MMP28: variants seen among roughly 807,000 people sequenced by gnomAD.
MMP28 encodes the protein matrix metallopeptidase 28.
MMP28 carries 55 observed loss-of-function variants against 60.5 expected under a neutral mutation model. The ratio of observed to expected loss-of-function variants is 0.91; its 90% CI spans 0.73 to 1.14. The LOEUF is 1.14. MMP28 is among the 50% of genes most tolerant of loss of function. The pLI is 0.00. For missense variants in MMP28, 686 were observed against 738.3 expected, an observed-to-expected ratio of 0.93 and a Z score of 0.82; for synonymous variants, 318 against 312.5, an observed-to-expected ratio of 1.02 and a Z score of -0.18.
intron 1 of MMP28, among the ~76,000 whole-genome samples, chr17:35,781,295 G>A (rs1055446644): frequency 6.6e-6 from 1 of 152,218 alleles, no homozygotes; most frequent in African/African-American, 2.4e-5. Context: ...GCTATTTAAT[G>A]TATGAGGAAG....
chr17:35,793,950 T>G (rs1443139707), intron 1 of MMP28, among the ~76,000 whole-genome samples: 2 of 151,902 alleles, frequency 1.3e-5, no homozygotes, highest in Non-Finnish European at 2.9e-5. Flanking sequence ...ATACAAAAAT[T>G]AGCCTGGCAT....
At chr17:35,758,881 G>A (rs1386882032) in intron 2 of MMP28, among the ~76,000 whole-genome samples, 1 of 152,042 alleles carries the variant, frequency 6.6e-6, no homozygotes, top group African/African-American at 2.4e-5. Flanking sequence ...GGGTTGGGGA[G>A]GCAGGATGAG....
At chr17:35,779,908 A>C (rs1555608900) in intron 1 of MMP28, among the ~76,000 whole-genome samples, 2 of 152,202 alleles carry the variant, frequency 1.3e-5, no homozygotes, top group African/African-American at 4.8e-5. Context: ...ATTCATATGC[A>C]TCCTGAAACA....
intron 2 of MMP28, chr17:35,756,503 C>T: frequency 1.1e-6 from 1 of 871,426 alleles, no homozygotes; most frequent in Non-Finnish European, 1.4e-6. Flanking sequence ...CGGAGTCTCG[C>T]TCTGTCACCC....
chr17:35,770,401 G>GTGGC (rs1467397297), intron 4 of MMP28, 89 bp from the exon 5 acceptor site: 16 of 1,406,954 alleles, frequency 1.1e-5, no homozygotes, highest in Non-Finnish European at 1.5e-5. Flanking sequence ...TGGGGTGTGT[G>GTGGC]TGGCTGTTCT....
In MMP28 at chr17:35,786,699, C is replaced by CAAAAAA. The variant is rs200165337; in HGVS notation, c.112-7382_112-7377dup. 2.9e-3 allele frequency among the ~76,000 whole-genome samples: 205 copies of CAAAAAA among 71,060 alleles called. 16 individuals are homozygous for CAAAAAA. Among genetic ancestry groups the CAAAAAA allele is most frequent in the African/African-American group, 0.012 (196 of 15,762 alleles). The allele number at this position is 71,060 out of a possible 152,430, so 46.6% of individuals were successfully genotyped here. A position where few individuals can be genotyped will look rare whatever the true frequency, so the allele number is the denominator to read the frequency against. Reference sequence around the variant, plus strand: ...GCCTCATAGTGAGATCCTGTCTCTACAAAAAAAAAAAAAAAAGATGAATGA... The same window carrying CAAAAAA: ...GCCTCATAGTGAGATCCTGTCTCTACAAAAAAAAAAAAAAAAAAAAAAGATGAATGA... On this transcript the variant is annotated intron_variant, in intron 1 of 7. Transcript: ENST00000605424.
downstream of MMP28, chr17:35,764,439 C>G (rs1555602323): frequency 1.3e-6 from 2 of 1,547,560 alleles, no homozygotes; most frequent in East Asian, 5.0e-5. Flanking sequence ...GCGGAGCCTC[C>G]CGGAGGAGCC....
intron 2 of MMP28, among the ~76,000 whole-genome samples, chr17:35,760,179 A>G (rs782066409): frequency 1.4e-4 from 22 of 152,170 alleles, no homozygotes; most frequent in Non-Finnish European, 2.8e-4. Context: ...CAGCAACTTC[A>G]TCTCAACAGA....
In MMP28 at chr17:35,795,275, C is replaced by T. The variant is rs763434043; in HGVS notation, c.103G>A (p.Glu35Lys). ...AERGGQELRKEAEAFLEKYGY... is the reference protein window; with the variant it reads ...AERGGQELRKKAEAFLEKYGY... ...AGGTACACACGGCGTACCTCCGCCT[C>T]CTTGCGCAGCTCCTGGCCTCCGCGC... The change falls in exon 1 of 8, where the codon GAG becomes AAG. Residue 35 changes from glutamate (E) to lysine (K), a missense_variant. By Grantham distance (56) the Glu-to-Lys change is moderately conservative. Coordinates refer to ENST00000605424, the MANE Select transcript of MMP28 (RefSeq NM_024302.5). 1.2e-5 allele frequency: 17 copies of T among 1,444,502 alleles called. No individual in the cohort carries two copies. In the South Asian group the frequency reaches 2.4e-4, roughly 21 times the overall value. 89.5% of individuals were successfully genotyped at this position (1,444,502 alleles called of 1,614,324 possible). A position where few individuals can be genotyped will look rare whatever the true frequency, so the allele number is the denominator to read the frequency against.
intron 3 of MMP28, among the ~76,000 whole-genome samples, chr17:35,773,942 C>T (rs1555606859): frequency 6.6e-6 from 1 of 152,184 alleles, no homozygotes; most frequent in East Asian, 1.9e-4. Flanking sequence ...TCTGCCCTTT[C>T]CAGGGCCTGG....
intron 3 of MMP28, among the ~76,000 whole-genome samples, chr17:35,777,625 A>T (rs1555607935): frequency 1.3e-5 from 2 of 152,268 alleles, no homozygotes; most frequent in African/African-American, 4.8e-5. Context: ...GCAATGGCCC[A>T]AAGTGTTCAC....
At chr17:35,792,288 A>G (rs1363017425) in intron 1 of MMP28, among the ~76,000 whole-genome samples, 1 of 152,106 alleles carries the variant, frequency 6.6e-6, no homozygotes, top group Non-Finnish European at 1.5e-5. Context: ...AAAAGGATAT[A>G]GTTCCTCTCT....
chr17:35,760,494 G>A (rs587600863), intron 2 of MMP28, among the ~76,000 whole-genome samples: 155 of 152,308 alleles, frequency 1.0e-3, no homozygotes, highest in African/African-American at 3.4e-3. Context: ...GACAGGAAGA[G>A]GAAGACAGAA....
chr17:35,761,043 C>A, downstream of MMP28: 1 of 1,416,680 alleles, frequency 7.1e-7, no homozygotes, highest in Non-Finnish European at 9.5e-7. Flanking sequence ...TGAAGTCCAA[C>A]CTTTTCTCAG....
chr17:35,762,015 A>T (rs1598405857), downstream of MMP28, among the ~76,000 whole-genome samples: 1 of 151,460 alleles, frequency 6.6e-6, no homozygotes, highest in East Asian at 1.9e-4. Context: ...TTTGAGACGG[A>T]GTTTTGCTCT....
rs1555606353 is a variant in MMP28, at chr17:35,773,199, G to GCCCGGGCCATCAAAGGCATTT, written c.584_585insAAATGCCTTTGATGGCCCGGG (p.Asn196_Gly202dup). 2 of 1,613,876 alleles carry GCCCGGGCCATCAAAGGCATTT rather than the reference G, an allele frequency of 1.2e-6. No homozygotes were observed. The highest frequency in any genetic ancestry group is 1.7e-6 in the Non-Finnish European group (2 of 1,179,804). On this transcript the variant is annotated inframe_insertion, in exon 4 of 8. Coordinates refer to ENST00000605424, the MANE Select transcript of MMP28 (RefSeq NM_024302.5). ...CAGCACCTGGGCCATCAAAGGCATT[G>GCCCGGGCCATCAAAGGCATTT]CCCAGCCCATCGTTGTGGTCCCCTT...
intron 1 of MMP28, among the ~76,000 whole-genome samples, chr17:35,781,045 G>C (rs2086485719): frequency 6.6e-6 from 1 of 152,134 alleles, no homozygotes; most frequent in Non-Finnish European, 1.5e-5. Flanking sequence ...CCAGACAGAG[G>C]AAACAGCAAA....
intron 1 of MMP28, among the ~76,000 whole-genome samples, chr17:35,793,779 G>T (rs571703810): frequency 6.6e-6 from 1 of 152,192 alleles, no homozygotes; most frequent in Admixed American, 6.5e-5. Flanking sequence ...TCAGGGCAGA[G>T]CATTGGGCTC....
At chr17:35,756,423 C>A (rs186653829) in intron 2 of MMP28, 9 of 984,644 alleles carry the variant, frequency 9.1e-6, no homozygotes, top group Middle Eastern at 5.2e-4. Flanking sequence ...CCTCAGGCTG[C>A]AGTAAAGCAG....
Sources: gnomAD v4.1 joint callset for allele counts (sites outside exome capture counted in the v4.1 genomes callset) on GRCh38, gnomAD v4.1.1 for gene constraint, MANE v1.5 for transcripts, NCBI Gene and HGNC (gene_info 2026-07-23, HGNC 2026-07-21) for gene names.